Variants in LAMA1 observed in about 807,000 individuals in gnomAD.
LAMA1 encodes the protein laminin subunit alpha 1, also known as laminin subunit alpha-1.
Under a neutral mutation model 348.7 loss-of-function variants are expected in LAMA1, and 219 were observed. The ratio of observed to expected loss-of-function variants is 0.63; its 90% CI spans 0.56 to 0.70. The LOEUF is 0.70. Among genes scored for constraint, LAMA1 ranks in the 30% least tolerant of loss-of-function variants. The pLI, the probability that LAMA1 is intolerant of heterozygous loss-of-function variation, is 0.00. For missense variants in LAMA1, 3,744 were observed against 3,888.0 expected (o/e 0.96, Z 0.99); for synonymous variants, 1,487 against 1,491.0 (o/e 1.00, Z 0.06).
chr18:7,075,916 G>A (rs1378095540), intron 3 of LAMA1, among the ~76,000 whole-genome samples: 2 of 149,470 alleles, frequency 1.3e-5, no homozygotes, highest in African/African-American at 4.9e-5. Flanking sequence ...CAGCCTGGGC[G>A]ACAGAGTGAG....
rs548520919 is a variant in LAMA1, at chr18:6,978,424, C to T, written c.6008-46G>A. 1.8e-4 allele frequency: 271 copies of T among 1,508,326 alleles called. 2 individuals carry two copies. In the South Asian group the frequency reaches 2.8e-3, roughly 16 times the overall value. The allele number at this position is 1,508,326 out of a possible 1,614,324, so 93.4% of individuals were successfully genotyped here. ...AGCATGCACTTCTGGTGCTTACACA[C>T]AGAGAAAAGAATAAAACGACAACAA... On this transcript the variant is annotated intron_variant, in intron 42 of 62. Transcript: ENST00000389658.
intron 1 of LAMA1, among the ~76,000 whole-genome samples, chr18:7,110,140 T>C (rs1841793): frequency 0.75 from 114,266 of 151,438 alleles, 44,171 homozygotes; most frequent in East Asian, 0.99. Flanking sequence ...GAGATCACGC[T>C]ACTGCACTCC....
At chr18:6,998,136 C>T (rs2057791319) in intron 32 of LAMA1, among the ~76,000 whole-genome samples, 1 of 152,068 alleles carries the variant, frequency 6.6e-6, no homozygotes, top group Non-Finnish European at 1.5e-5. Flanking sequence ...AGAGGTCACA[C>T]AGAAAGAAAC....
intron 29 of LAMA1, among the ~76,000 whole-genome samples, chr18:7,003,019 C>A: frequency 6.7e-6 from 1 of 148,656 alleles, no homozygotes; most frequent in African/African-American, 2.5e-5. Flanking sequence ...TAGCTGGGAC[C>A]AGAGGCACAC....
At chr18:7,050,438 T>C (rs766527271) in intron 4 of LAMA1, among the ~76,000 whole-genome samples, 2 of 152,148 alleles carry the variant, frequency 1.3e-5, no homozygotes, top group Admixed American at 6.6e-5. Flanking sequence ...GTGGGGAAGA[T>C]GCTCTGAAGG....
At chr18:6,967,223 C>T (rs971146227) in intron 48 of LAMA1, among the ~76,000 whole-genome samples, 2 of 152,202 alleles carry the variant, frequency 1.3e-5, no homozygotes, top group Non-Finnish European at 2.9e-5. Context: ...ACTATAACTA[C>T]CTGCACTCTT....
intron 3 of LAMA1, among the ~76,000 whole-genome samples, chr18:7,064,274 C>A: frequency 6.6e-6 from 1 of 151,052 alleles, no homozygotes. Flanking sequence ...ATAATAACAC[C>A]CCCTCCAAAA....
At chr18:7,021,406 C>T (rs2057914788) in intron 19 of LAMA1, among the ~76,000 whole-genome samples, 1 of 152,030 alleles carries the variant, frequency 6.6e-6, no homozygotes, top group African/African-American at 2.4e-5. Flanking sequence ...ATGTGGATGC[C>T]AATATTAAAG....
intron 1 of LAMA1, among the ~76,000 whole-genome samples, chr18:7,088,801 C>T (rs1043049227): frequency 3.3e-5 from 5 of 152,128 alleles, no homozygotes; most frequent in Admixed American, 6.5e-5. Context: ...AGATTACAGG[C>T]GTGAGCCACA....
chr18:6,959,201 T>A (rs1600349871), intron 54 of LAMA1, 140 bp downstream of exon 54: 1 of 1,078,940 alleles, frequency 9.3e-7, no homozygotes, highest in Admixed American at 1.8e-5. Context: ...CAGGAAAGAA[T>A]CCTAGCAAGG....
rs776874119 is a variant in LAMA1 at position 7,080,309 on chromosome 18, A to G, written c.210T>C (p.Asp70=). 1.6e-5 allele frequency: 26 copies of G among 1,614,156 alleles called. No individual in the cohort carries two copies. Among genetic ancestry groups the G allele is most frequent in the Non-Finnish European group, 2.2e-5 (26 of 1,180,058 alleles). ...TGCCTCTGGGGTTTGCGCTGTTGCCATCACAGATCCGGCACTGTGGGTTTC... is the reference window on the plus strand; with the variant it reads ...TGCCTCTGGGGTTTGCGCTGTTGCCGTCACAGATCCGGCACTGTGGGTTTC... The part of the protein sequence containing the change: ...PVRNPQCRIC[D]GNSANPRERH... The change falls in exon 2 of 63, where the codon GAT becomes GAC. Residue 70 remains aspartate, a synonymous_variant. Transcript: ENST00000389658.
rs530697220 is a variant in LAMA1 at position 6,945,838 on chromosome 18, G to A, written c.8844+1325C>T. Among the ~76,000 whole-genome samples the A allele has an allele frequency of 2.0e-5, 3 of 152,196 alleles. No homozygotes were observed. The South Asian group carries it at 6.2e-4, about 32-fold the overall frequency. ...CCCAGACCACTCACTGTAAGAGGCTGCCCTGAAGACCACGATATGGCTATG... is the reference window on the plus strand; with the variant it reads ...CCCAGACCACTCACTGTAAGAGGCTACCCTGAAGACCACGATATGGCTATG... On this transcript the variant is annotated intron_variant, in intron 61 of 62. Coordinates refer to ENST00000389658, the MANE Select transcript of LAMA1 (RefSeq NM_005559.4).
At chr18:6,965,224 T>G (rs2057627216) in intron 50 of LAMA1, 64 bp downstream of exon 50, 1 of 1,600,014 alleles carries the variant, frequency 6.2e-7, no homozygotes, top group Non-Finnish European at 8.6e-7. Context: ...AGAATGCTGA[T>G]TTTGAAAAGA....
intron 23 of LAMA1, among the ~76,000 whole-genome samples, chr18:7,012,501 T>A (rs2057865845): frequency 1.5e-5 from 1 of 66,502 alleles, no homozygotes; most frequent in African/African-American, 1.6e-4. Context: ...ATTATTATAT[T>A]ATTATTATTA....
chr18:6,947,199 T>C lies in LAMA1; in HGVS notation c.8808A>G (p.Lys2936=). The C allele has an allele frequency of 6.2e-7, 1 of 1,614,216 alleles. No homozygotes were observed. Among genetic ancestry groups the C allele is most frequent in the Non-Finnish European group, 8.5e-7 (1 of 1,180,042 alleles). The stretch of plus-strand genomic sequence containing the variant: ...CAAGCTCTAGTCCAATGGCATCCAC[T>C]TTGGCAGTGCTGATCCCCAGGAGGA... The part of the protein sequence containing the change: ...NGVLLGISTA[K]VDAIGLELVD... The change falls in exon 61 of 63, where the codon AAA becomes AAG. Residue 2936 remains lysine (K), a synonymous_variant. Coordinates refer to ENST00000389658, the MANE Select transcript of LAMA1 (RefSeq NM_005559.4).
chr18:7,055,476 A>C (rs1402992496), intron 3 of LAMA1, among the ~76,000 whole-genome samples: 1 of 145,522 alleles, frequency 6.9e-6, no homozygotes, highest in African/African-American at 2.8e-5. Context: ...AAAAAAAAAA[A>C]ATTTACCCAC....
intron 1 of LAMA1, among the ~76,000 whole-genome samples, chr18:7,099,798 C>T (rs967676067): frequency 1.3e-5 from 2 of 151,844 alleles, no homozygotes; most frequent in African/African-American, 4.8e-5. Context: ...GTGGTTCACA[C>T]CTGCAATCCC....
intron 3 of LAMA1, among the ~76,000 whole-genome samples, chr18:7,057,685 C>T: frequency 6.6e-6 from 1 of 151,582 alleles, no homozygotes. Context: ...CACTATATTG[C>T]CCAGGCTGGT....
chr18:7,073,838 GTGTGTGTGTGTT>G (rs2058155883), intron 3 of LAMA1, among the ~76,000 whole-genome samples: 2 of 65,346 alleles, frequency 3.1e-5, no homozygotes. Context: ...GTGTGTGTGT[GTGTGTGTGTGTT>G]TATGAGAAGG....
Sources: allele counts gnomAD v4.1 joint callset (sites outside exome capture counted in the v4.1 genomes callset), GRCh38; gene constraint gnomAD v4.1.1; transcripts MANE v1.5; gene names NCBI Gene and HGNC (gene_info 2026-07-23, HGNC 2026-07-21).